RAB3IL1: variants seen among roughly 807,000 people sequenced by gnomAD.
RAB3IL1 encodes the protein RAB3A interacting protein like 1.
A neutral mutation model predicts 49.2 loss-of-function variants in RAB3IL1; 37 were observed. The observed-to-expected ratio is 0.75, with a 90% CI of 0.58 to 0.99. The LOEUF is 0.99. Among genes scored for constraint, RAB3IL1 ranks in the 50% least tolerant of loss-of-function variants. The pLI is 0.00. For missense variants in RAB3IL1, 484 were observed against 513.0 expected (o/e 0.94, Z 0.55); for synonymous variants, 193 against 213.9 (o/e 0.90, Z 0.85).
chr11:61,929,431 G>A, the RAB3IL1 span, among the ~76,000 whole-genome samples: 1 of 135,708 alleles, frequency 7.4e-6, no homozygotes, highest in Non-Finnish European at 1.8e-5. Flanking sequence ...ATTCAACCCA[G>A]AAGGCAGAGG....
chr11:61,909,157 A>G (rs1324507875), intron 1 of RAB3IL1, among the ~76,000 whole-genome samples: 1 of 151,976 alleles, frequency 6.6e-6, no homozygotes, highest in East Asian at 1.9e-4. Context: ...GAGGCTCCTG[A>G]GCCAGCAGCT....
the RAB3IL1 span, among the ~76,000 whole-genome samples, chr11:61,928,881 C>T: frequency 6.6e-6 from 1 of 152,166 alleles, no homozygotes; most frequent in Non-Finnish European, 1.5e-5. Flanking sequence ...TCAACAGAAA[C>T]AACACACAAC....
rs906242314 is a variant in RAB3IL1 at position 61,897,531 on chromosome 11, CCTGT to C, written c.*743_*746del. The C allele has an allele frequency of 6.6e-6, 1 of 152,152 alleles. No homozygotes were observed. The highest frequency in any genetic ancestry group is 1.5e-5 in the Non-Finnish European group (1 of 68,056). The allele number at this position is 152,152 out of a possible 1,614,324, so 9.4% of individuals were successfully genotyped here. Reference sequence around the variant, plus strand: ...AAAACAGGCGTGGGTGATCTGAAGCCCTGTCTGTGTTCTACTGTGGCAGAAAGTG... The same window carrying C: ...AAAACAGGCGTGGGTGATCTGAAGCCCTGTGTTCTACTGTGGCAGAAAGTG... On this transcript the variant is annotated 3_prime_UTR_variant, in exon 10 of 10. Transcript: ENST00000394836.
At chr11:61,917,726 T>G, upstream of RAB3IL1, 1 of 248,122 alleles carries the variant, frequency 4.0e-6, no homozygotes, top group Non-Finnish European at 6.4e-6. Flanking sequence ...GCCCCCAACA[T>G]CCCGCGGGCC....
At chr11:61,934,450 G>GTGTATGTATGTGTA in the RAB3IL1 span, among the ~76,000 whole-genome samples, 11 of 31,614 alleles carry the variant, frequency 3.5e-4, no homozygotes, top group East Asian at 1.2e-3. Context: ...GTGTGTGTAT[G>GTGTATGTATGTGTA]TATATATATA....
rs969608242 is a variant in RAB3IL1 at position 61,898,455 on chromosome 11, T to C, written c.1067-95A>G. On this transcript the variant is annotated intron_variant, in intron 9 of 9. Coordinates refer to ENST00000394836, the MANE Select transcript of RAB3IL1 (RefSeq NM_013401.4). This position sits in a 1 kb window ranked among gnomAD's most constrained non-coding sequence, Gnocchi z 5.1. Reference sequence around the variant, plus strand: ...CTCCTGTGGCTTTGGACAGAGCAGCTGGCACAGCACCCTAGGGTCCCCGGC... The same window carrying C: ...CTCCTGTGGCTTTGGACAGAGCAGCCGGCACAGCACCCTAGGGTCCCCGGC... 6.7e-6 allele frequency: 7 copies of C among 1,049,740 alleles called. No homozygotes were observed. The highest frequency in any genetic ancestry group is 6.2e-5 in the African/African-American group (4 of 64,122). 65.0% of individuals were successfully genotyped at this position (1,049,740 alleles called of 1,614,324 possible). A position where few individuals can be genotyped will look rare whatever the true frequency, so the allele number is the denominator to read the frequency against.
Position 61,907,558 on chromosome 11 carries a change from G to T in RAB3IL1, c.360+7C>A, listed in dbSNP as rs769646467. ...CCCCAAGTTGTTCCCGCGCCCAGCC[G>T]GTGTACCTCAAACAGGCTGGCCGTC... On this transcript the variant is annotated splice_region_variant and intron_variant, in intron 3 of 9. Coordinates refer to ENST00000394836, the MANE Select transcript of RAB3IL1 (RefSeq NM_013401.4). 1.2e-6 allele frequency: 2 copies of T among 1,613,860 alleles called. No homozygotes were observed. The highest frequency in any genetic ancestry group is 1.7e-6 in the Non-Finnish European group (2 of 1,179,930).
At chr11:61,900,535 G>GGGA (rs144656965) in intron 8 of RAB3IL1, among the ~76,000 whole-genome samples, 1,837 of 152,306 alleles carry the variant, frequency 0.012, 48 homozygotes, top group African/African-American at 0.042. Context: ...CCGCTGCACA[G>GGGA]GGAGGGTTGA....
chr11:61,899,370 A>G lies in RAB3IL1; in HGVS notation c.1010T>C (p.Val337Ala), dbSNP rs924006050. The G allele has an allele frequency of 5.0e-6, 8 of 1,609,334 alleles. No homozygotes were observed. Among genetic ancestry groups the G allele is most frequent in the South Asian group, 1.1e-5 (1 of 90,938 alleles). ...SPSSRARITA[V>A]CNFFTYIRYI... Reference sequence around the variant, plus strand: ...GCGGATGTAGGTGAAGAAGTTGCACACTGCGGTGATCTGTGGGCAGAGGTG... The same window carrying G: ...GCGGATGTAGGTGAAGAAGTTGCACGCTGCGGTGATCTGTGGGCAGAGGTG... Residue 337 changes from valine to alanine, a missense_variant, in exon 9 of 10, where the codon GTG becomes GCG. By Grantham distance (64) the Val-to-Ala change is moderately conservative. Transcript: ENST00000394836.
At chr11:61,936,492 C>A in the RAB3IL1 span, among the ~76,000 whole-genome samples, 12 of 152,320 alleles carry the variant, frequency 7.9e-5, no homozygotes, top group African/African-American at 2.9e-4. Flanking sequence ...ACATCTGCCT[C>A]CTCCGTGCCT....
chr11:61,914,384 G>T (rs957675645), intron 1 of RAB3IL1, among the ~76,000 whole-genome samples: 10 of 152,242 alleles, frequency 6.6e-5, no homozygotes, highest in Non-Finnish European at 1.2e-4. Context: ...GAGACCAGGG[G>T]GCTGGAACAG....
chr11:61,944,471 T>C, the RAB3IL1 span, among the ~76,000 whole-genome samples: 2 of 152,032 alleles, frequency 1.3e-5, no homozygotes, highest in Non-Finnish European at 2.9e-5. Context: ...CCAAATGATG[T>C]AACTGGGCCC....
At chr11:61,928,038 T>C in the RAB3IL1 span, among the ~76,000 whole-genome samples, 2 of 151,770 alleles carry the variant, frequency 1.3e-5, no homozygotes, top group Admixed American at 1.3e-4. Flanking sequence ...TACGCAGGAG[T>C]GTGATGTGAA....
At chr11:61,945,056 G>A in the RAB3IL1 span, among the ~76,000 whole-genome samples, 1 of 152,196 alleles carries the variant, frequency 6.6e-6, no homozygotes, top group African/African-American at 2.4e-5. Flanking sequence ...GGAGAAGGCT[G>A]TAGCTGTGGA....
intron 6 of RAB3IL1, 42 bp downstream of exon 6, chr11:61,904,712 G>T (rs950690599): frequency 1.3e-6 from 2 of 1,583,074 alleles, no homozygotes; most frequent in Admixed American, 1.8e-5. Flanking sequence ...CCCTGGCGGA[G>T]GGGTGTGTCC....
chr11:61,927,463 A>G, the RAB3IL1 span, among the ~76,000 whole-genome samples: 1 of 152,222 alleles, frequency 6.6e-6, no homozygotes, highest in South Asian at 2.1e-4. Flanking sequence ...AGGAACTCCC[A>G]ACCTAGACTT....
the RAB3IL1 span, among the ~76,000 whole-genome samples, chr11:61,936,006 A>T: frequency 2.3e-4 from 35 of 152,268 alleles, no homozygotes; most frequent in African/African-American, 7.9e-4. Flanking sequence ...GGAGTTGAAG[A>T]GTATAATAAC....
chr11:61,920,012 C>G (rs774280790), upstream of RAB3IL1: 13 of 1,236,266 alleles, frequency 1.1e-5, no homozygotes, highest in Non-Finnish European at 1.3e-5. Flanking sequence ...GACTCCCCCT[C>G]CCCTCCATGC....
chr11:61,917,312 C>T, intron 1 of RAB3IL1, 45 bp downstream of exon 1: 2 of 1,354,448 alleles, frequency 1.5e-6, no homozygotes, highest in Non-Finnish European at 1.9e-6. Flanking sequence ...GGGAGGCGAC[C>T]GCGGCCCAGA....
Sources: gnomAD v4.1 joint callset for allele counts (sites outside exome capture counted in the v4.1 genomes callset) on GRCh38, gnomAD v4.1.1 for gene constraint, Gnocchi (gnomAD v3.1) non-coding constraint, MANE v1.5 for transcripts, NCBI Gene and HGNC (gene_info 2026-07-23, HGNC 2026-07-21) for gene names.